The following PRKCI variants were observed in gnomAD, a reference collection of about 807,000 sequenced individuals.
PRKCI encodes the protein protein kinase C iota type.
PRKCI carries 43 observed loss-of-function variants against 84.0 expected under a neutral mutation model. The ratio of observed to expected loss-of-function variants is 0.51; its 90% confidence interval spans 0.40 to 0.66. The LOEUF is 0.66. Among genes scored for constraint, PRKCI ranks in the 30% least tolerant of loss-of-function variants. The pLI, the probability that PRKCI is intolerant of heterozygous loss-of-function variation, is 0.00. For missense variants in PRKCI, 459 were observed against 745.6 expected (o/e 0.62, Z 4.48); for synonymous variants, 216 against 234.4 (o/e 0.92, Z 0.72).
intron 6 of PRKCI, 144 bp downstream of exon 6, chr3:170,270,705 T>TA (rs1733981788): frequency 9.4e-7 from 1 of 1,058,264 alleles, no homozygotes; most frequent in African/African-American, 1.6e-5. Flanking sequence ...TACCTTACGT[T>TA]ACTGTTAACA....
At chr3:170,274,758 C>A (rs1734075691) in intron 7 of PRKCI, among the ~76,000 whole-genome samples, 1 of 151,810 alleles carries the variant, frequency 6.6e-6, no homozygotes, top group South Asian at 2.1e-4. Context: ...AGTAGAAGTT[C>A]CATCCTTGTC....
intron 17 of PRKCI, 109 bp downstream of exon 17, chr3:170,299,219 T>A: frequency 1.9e-6 from 1 of 529,978 alleles, no homozygotes; most frequent in South Asian, 4.0e-5. Flanking sequence ...TTTTATTTTC[T>A]ATTTTATTTC....
intron 12 of PRKCI, among the ~76,000 whole-genome samples, chr3:170,290,108 G>A (rs910395534): frequency 4.6e-5 from 7 of 151,714 alleles, no homozygotes; most frequent in African/African-American, 1.7e-4. Flanking sequence ...GTTTTGTGCT[G>A]CCCCTCTTTT....
chr3:170,292,259 T>A (rs112459067), intron 13 of PRKCI, among the ~76,000 whole-genome samples: 2,273 of 152,310 alleles, frequency 0.015, 61 homozygotes, highest in African/African-American at 0.052. Flanking sequence ...GTACTATTAA[T>A]TCTCCTTTTA....
intron 2 of PRKCI, among the ~76,000 whole-genome samples, chr3:170,251,098 G>C (rs114268529): frequency 1.5e-3 from 231 of 152,202 alleles, no homozygotes; most frequent in African/African-American, 5.2e-3. Context: ...AAAAAATCTA[G>C]TAATAAACCT....
rs537657638 is a variant in PRKCI at position 170,297,366 on chromosome 3, G to A, written c.1560G>A (p.Pro520=). The A allele has an allele frequency of 4.4e-5, 71 of 1,613,132 alleles. 1 individual carries two copies. In the East Asian group the frequency reaches 1.2e-3, roughly 27 times the overall value. ...QTGFADIQGH[P]FFRNVDWDMM... Reference sequence around the variant, plus strand: ...GATTTGCTGATATTCAGGGACACCCGTTCTTCCGAAATGTTGATTGGGATA... The same window carrying A: ...GATTTGCTGATATTCAGGGACACCCATTCTTCCGAAATGTTGATTGGGATA... The change falls in exon 16 of 18, where the codon CCG becomes CCA. Residue 520 remains proline, a synonymous_variant. Transcript: ENST00000295797.
chr3:170,242,843 G>T (rs1733170329), intron 2 of PRKCI, among the ~76,000 whole-genome samples: 1 of 151,646 alleles, frequency 6.6e-6, no homozygotes, highest in Admixed American at 6.6e-5. Flanking sequence ...GCTAATTTTT[G>T]TATTTTTAGT....
intron 3 of PRKCI, among the ~76,000 whole-genome samples, chr3:170,261,722 G>T (rs950526826): frequency 6.6e-6 from 1 of 151,976 alleles, no homozygotes; most frequent in South Asian, 2.1e-4. Flanking sequence ...GACCTCAGGT[G>T]ATCTGCCTGC....
intron 1 of PRKCI, among the ~76,000 whole-genome samples, chr3:170,224,942 C>A (rs1392830033): frequency 6.6e-6 from 1 of 152,044 alleles, no homozygotes; most frequent in Non-Finnish European, 1.5e-5. Context: ...GTAAATAGGC[C>A]CAGTTAGTAA....
At chr3:170,268,973 G>C (rs1010424013) in intron 5 of PRKCI, among the ~76,000 whole-genome samples, 1 of 152,020 alleles carries the variant, frequency 6.6e-6, no homozygotes, top group Non-Finnish European at 1.5e-5. Flanking sequence ...GGAGTGCAAT[G>C]GCACAGTCTC....
Position 170,284,533 on chromosome 3 carries a change from A to G in PRKCI, c.1140A>G (p.Lys380=), listed in dbSNP as rs768721063. 2 of 1,612,320 alleles carry G rather than the reference A, an allele frequency of 1.2e-6. No homozygotes were observed. The highest frequency in any genetic ancestry group is 1.7e-6 in the Non-Finnish European group (2 of 1,178,724). The change falls in exon 12 of 18, where the codon AAA becomes AAG. Residue 380 remains lysine (K), a synonymous_variant. Transcript: ENST00000295797. ...GAGGGATAATTTATAGAGATTTGAA[A>G]CTGGACAATGTATTACTGGACTCTG... ...HERGIIYRDL[K]LDNVLLDSEG...
chr3:170,230,479 C>T (rs1273606), intron 1 of PRKCI, among the ~76,000 whole-genome samples: 29,717 of 144,786 alleles, frequency 0.21, 3,054 homozygotes, highest in African/African-American at 0.25. Flanking sequence ...TACAGGCATG[C>T]GCCACCATGT....
At chr3:170,248,493 A>G (rs1432140481) in intron 2 of PRKCI, among the ~76,000 whole-genome samples, 1 of 152,198 alleles carries the variant, frequency 6.6e-6, no homozygotes, top group Non-Finnish European at 1.5e-5. Context: ...CTTTTGTAAT[A>G]GAGTGGGCTT....
At chr3:170,280,181 C>T (rs199604665) in intron 8 of PRKCI, 46 bp from the exon 9 acceptor site, 80 of 1,514,098 alleles carry the variant, frequency 5.3e-5, no homozygotes, top group African/African-American at 1.4e-4. Context: ...TAATGTACTA[C>T]GCAAAGCATT....
intron 2 of PRKCI, among the ~76,000 whole-genome samples, chr3:170,245,950 T>TTTTTTTTTTTTTTTTTTTTTG (rs1733269235): frequency 2.3e-5 from 1 of 44,348 alleles, no homozygotes; most frequent in African/African-American, 1.3e-4. Flanking sequence ...TATGTCTTTG[T>TTTTTTTTTTTTTTTTTTTTTG]TTTTTTTTTT....
At chr3:170,292,078 ACATGGAGAGTCC>A (rs1478678648) in intron 13 of PRKCI, 137 bp downstream of exon 13, 1 of 675,296 alleles carries the variant, frequency 1.5e-6, no homozygotes, top group Non-Finnish European at 2.6e-6. Flanking sequence ...GTTAAAAACT[ACATGGAGAGTCC>A]CAGACTTTGA....
At chr3:170,225,183 A>G (rs1732596582) in intron 1 of PRKCI, among the ~76,000 whole-genome samples, 1 of 152,240 alleles carries the variant, frequency 6.6e-6, no homozygotes, top group Non-Finnish European at 1.5e-5. Flanking sequence ...CCCATTGTAT[A>G]CTGGTCTTTG....
At chr3:170,238,464 C>G (rs1163768807) in intron 2 of PRKCI, among the ~76,000 whole-genome samples, 5 of 144,146 alleles carry the variant, frequency 3.5e-5, no homozygotes, top group Admixed American at 6.9e-5. Context: ...CATCATTACT[C>G]TTTTTTTTTT....
intron 2 of PRKCI, among the ~76,000 whole-genome samples, chr3:170,259,548 C>T (rs1733672247): frequency 6.6e-6 from 1 of 152,126 alleles, no homozygotes; most frequent in Non-Finnish European, 1.5e-5. Flanking sequence ...GTGCTTCACG[C>T]CTATAATCCC....
Sources: allele counts gnomAD v4.1 joint callset (sites outside exome capture counted in the v4.1 genomes callset), GRCh38; gene constraint gnomAD v4.1.1; transcripts MANE v1.5; gene names NCBI Gene and HGNC (gene_info 2026-07-23, HGNC 2026-07-21).